Variants in PDE4D observed in about 807,000 individuals in gnomAD.
The protein encoded by PDE4D is phosphodiesterase 4D, also known as 3',5'-cyclic-AMP phosphodiesterase 4D.
PDE4D carries 24 observed loss-of-function variants against 87.4 expected under a neutral mutation model. That is an observed-to-expected ratio of 0.27 (90% CI 0.20 to 0.39). The LOEUF (loss-of-function observed/expected upper bound fraction) is 0.39, where lower values mean the gene tolerates loss of function less well. PDE4D is among the 10% of genes least tolerant of loss of function. The pLI is 1.00. For synonymous variants in PDE4D, 384 were observed against 383.2 expected (o/e 1.00, Z -0.02); for missense variants, 714 against 1,041.0 (o/e 0.69, Z 4.32).
At chr5:59,638,200 G>T (rs1438874251) in intron 1 of PDE4D, among the ~76,000 whole-genome samples, 1 of 152,074 alleles carries the variant, frequency 6.6e-6, no homozygotes. Flanking sequence ...GAATAATTAA[G>T]ATATTTACTG....
intron 1 of PDE4D, among the ~76,000 whole-genome samples, chr5:60,506,464 A>G (rs1481019106): frequency 6.6e-6 from 1 of 152,254 alleles, no homozygotes; most frequent in African/African-American, 2.4e-5. Flanking sequence ...TCTACCTTAC[A>G]AAATTAAAAA....
intron 1 of PDE4D, among the ~76,000 whole-genome samples, chr5:59,331,943 T>C (rs1337294247): frequency 6.6e-6 from 1 of 152,224 alleles, no homozygotes; most frequent in African/African-American, 2.4e-5. Context: ...CAAACAATCA[T>C]GATTCCTGGT....
At chr5:59,893,760 T>C, upstream of PDE4D, 1 of 1,353,412 alleles carries the variant, frequency 7.4e-7, no homozygotes, top group Non-Finnish European at 9.4e-7. Context: ...GCTTCTCACT[T>C]GAAGGCGCCA....
intron 1 of PDE4D, among the ~76,000 whole-genome samples, chr5:59,729,036 T>C (rs1314712305): frequency 6.6e-6 from 1 of 152,128 alleles, no homozygotes; most frequent in Non-Finnish European, 1.5e-5. Context: ...ATTATTGCAA[T>C]AGTTTCACAA....
chr5:60,429,368 T>C (rs1743996818), intron 1 of PDE4D, among the ~76,000 whole-genome samples: 1 of 152,222 alleles, frequency 6.6e-6, no homozygotes, highest in African/African-American at 2.4e-5. Context: ...TGAAGTTATC[T>C]AGGAGCTTTT....
At chr5:59,811,546 C>G (rs1048067593) in intron 1 of PDE4D, among the ~76,000 whole-genome samples, 1 of 152,214 alleles carries the variant, frequency 6.6e-6, no homozygotes, top group Non-Finnish European at 1.5e-5. Context: ...GATTTCATGT[C>G]CTACTTTCCT....
At chr5:59,000,225 T>C (rs1040709326) in intron 6 of PDE4D, among the ~76,000 whole-genome samples, 3 of 152,238 alleles carry the variant, frequency 2.0e-5, no homozygotes, top group Non-Finnish European at 4.4e-5. Context: ...TAGTTCATTC[T>C]TAAGAATTGC....
intron 1 of PDE4D, among the ~76,000 whole-genome samples, chr5:60,377,129 C>T (rs959726385): frequency 6.6e-6 from 1 of 152,220 alleles, no homozygotes; most frequent in Non-Finnish European, 1.5e-5. Flanking sequence ...CTCCTGTGAG[C>T]TCACTGTGCT....
intron 1 of PDE4D, among the ~76,000 whole-genome samples, chr5:59,455,242 G>GA (rs953722226): frequency 6.6e-6 from 1 of 152,044 alleles, no homozygotes; most frequent in Non-Finnish European, 1.5e-5. Context: ...GGCCTAGGAG[G>GA]AAAAAAATGG....
At chr5:59,742,064 G>T (rs1237014128) in intron 1 of PDE4D, among the ~76,000 whole-genome samples, 1 of 151,870 alleles carries the variant, frequency 6.6e-6, no homozygotes, top group Non-Finnish European at 1.5e-5. Flanking sequence ...ATCTTCTTTT[G>T]GGGGGAGGGT....
chr5:60,126,647 T>C lies in PDE4D; in HGVS notation c.42+58910A>G, dbSNP rs554693030. Among the ~76,000 whole-genome samples, 5 of 152,300 alleles carry C rather than the reference T, an allele frequency of 3.3e-5. 1 individual carries two copies. In the South Asian group the frequency reaches 1.0e-3, roughly 32 times the overall value. ...CAAACTGGGCTGGCCAACAAGGCAA[T>C]TTTGTGAAATATGTCTTTCAAATGA... On this transcript the variant is annotated intron_variant, in intron 2 of 16. Transcript: ENST00000502484.
At chr5:60,097,367 T>C (rs1347638490) in intron 2 of PDE4D, among the ~76,000 whole-genome samples, 1 of 151,604 alleles carries the variant, frequency 6.6e-6, no homozygotes, top group African/African-American at 2.4e-5. Flanking sequence ...AAATGCAGTA[T>C]GAAGCCCTGC....
At chr5:60,291,091 A>G (rs1187604119) in intron 1 of PDE4D, among the ~76,000 whole-genome samples, 1 of 152,212 alleles carries the variant, frequency 6.6e-6, no homozygotes, top group Non-Finnish European at 1.5e-5. Flanking sequence ...CCAAAGAGCA[A>G]CATCTTTAAT....
intron 1 of PDE4D, among the ~76,000 whole-genome samples, chr5:59,750,024 C>T (rs1469294731): frequency 1.3e-5 from 2 of 151,490 alleles, no homozygotes; most frequent in Non-Finnish European, 1.5e-5. Context: ...TCACTCTTCA[C>T]ATCCAATGCA....
intron 1 of PDE4D, among the ~76,000 whole-genome samples, chr5:60,191,042 A>C (rs1479852343): frequency 6.6e-6 from 1 of 152,080 alleles, no homozygotes; most frequent in Non-Finnish European, 1.5e-5. Flanking sequence ...CATGCCCTTT[A>C]ATTTTTGTTC....
intron 6 of PDE4D, among the ~76,000 whole-genome samples, chr5:59,004,048 G>T (rs1411473481): frequency 5.3e-5 from 8 of 150,754 alleles, no homozygotes; most frequent in Admixed American, 5.3e-4. Context: ...TTTATAACAA[G>T]TATTCATCCT....
At chr5:59,003,482 G>A (rs558383740) in intron 6 of PDE4D, among the ~76,000 whole-genome samples, 1 of 152,202 alleles carries the variant, frequency 6.6e-6, no homozygotes, top group Non-Finnish European at 1.5e-5. Context: ...TACATCTTAG[G>A]ACCAAATATT....
chr5:59,113,200 T>C (rs1456772019), intron 5 of PDE4D, among the ~76,000 whole-genome samples: 1 of 152,154 alleles, frequency 6.6e-6, no homozygotes, highest in Non-Finnish European at 1.5e-5. Flanking sequence ...GCATCTTCAC[T>C]AGCAAGCCAA....
intron 1 of PDE4D, among the ~76,000 whole-genome samples, chr5:59,838,921 C>T (rs139204355): frequency 9.6e-4 from 146 of 152,062 alleles, no homozygotes; most frequent in African/African-American, 3.3e-3. Flanking sequence ...TCTTTATTGA[C>T]ATCCTGTTTT....
Sources: allele counts gnomAD v4.1 joint callset (sites outside exome capture counted in the v4.1 genomes callset), GRCh38; gene constraint gnomAD v4.1.1; transcripts MANE v1.5; gene names NCBI Gene and HGNC (gene_info 2026-07-23, HGNC 2026-07-21).